PRPF6: variants seen among roughly 807,000 people sequenced by gnomAD.
PRPF6 encodes the protein pre-mRNA processing factor 6, also known as pre-mRNA-processing factor 6.
PRPF6 carries 42 observed loss-of-function variants against 118.3 expected under a neutral mutation model. The ratio of observed to expected loss-of-function variants is 0.35; its 90% CI spans 0.28 to 0.46. PRPF6 has a LOEUF of 0.46. Among genes scored for constraint, PRPF6 ranks in the 20% least tolerant of loss-of-function variants. The pLI, the probability that PRPF6 is intolerant of heterozygous loss-of-function variation, is 1.00. For synonymous variants in PRPF6, 481 were observed against 485.1 expected (o/e 0.99, Z 0.11); for missense variants, 662 against 1,255.7 (o/e 0.53, Z 7.15).
At chr20:63,984,247 C>T (rs1017963107) in intron 2 of PRPF6, among the ~76,000 whole-genome samples, 22 of 152,046 alleles carry the variant, frequency 1.4e-4, no homozygotes, top group Admixed American at 1.4e-3. Context: ...GGTGAAACCC[C>T]GTCTCTACTA....
intron 12 of PRPF6, among the ~76,000 whole-genome samples, chr20:64,021,588 A>G (rs1473034781): frequency 8.8e-5 from 12 of 135,972 alleles, no homozygotes; most frequent in Non-Finnish European, 1.7e-4. Flanking sequence ...ACATATGCAT[A>G]TGCCTCAGCC....
At chr20:63,992,646 A>G (rs1027479173) in intron 3 of PRPF6, among the ~76,000 whole-genome samples, 2 of 151,890 alleles carry the variant, frequency 1.3e-5, no homozygotes, top group Non-Finnish European at 2.9e-5. Context: ...AGGTATTTAG[A>G]TCAAAGTAAG....
At chr20:64,006,316 CTT>C (rs5842437) in intron 9 of PRPF6, among the ~76,000 whole-genome samples, 140 of 102,482 alleles carry the variant, frequency 1.4e-3, no homozygotes, top group Middle Eastern at 4.5e-3. Flanking sequence ...GTAGCTTGCT[CTT>C]TTTTTTTTTT....
At position 64,026,918 on chromosome 20, in the gene PRPF6, G is replaced by C; in HGVS notation, c.2029-64G>C. On this transcript the variant is annotated intron_variant, in intron 15 of 20. Transcript: ENST00000266079. This position sits in a 1 kb window ranked among gnomAD's most constrained non-coding sequence, Gnocchi z 4.4. Reference sequence around the variant, plus strand: ...CTGCAGGTAACAGTGTTGAGGATGAGTGTACCATGAAGCACGTACCCTGGA... The same window carrying C: ...CTGCAGGTAACAGTGTTGAGGATGACTGTACCATGAAGCACGTACCCTGGA... 4.5e-6 allele frequency: 7 copies of C among 1,565,340 alleles called. No individual in the cohort carries two copies. The highest frequency in any genetic ancestry group is 1.7e-5 in the Admixed American group (1 of 59,898).
intron 3 of PRPF6, among the ~76,000 whole-genome samples, chr20:63,987,005 C>CA (rs1392403404): frequency 2.0e-5 from 3 of 150,180 alleles, no homozygotes; most frequent in Admixed American, 6.7e-5. Context: ...CTTTTCTTTA[C>CA]AAAAAAATAC....
intron 10 of PRPF6, among the ~76,000 whole-genome samples, chr20:64,010,832 A>G (rs2059213467): frequency 6.6e-6 from 1 of 152,236 alleles, no homozygotes; most frequent in Non-Finnish European, 1.5e-5. Context: ...GAAATTCTCC[A>G]AACAACATTA....
At chr20:63,982,951 T>G in intron 1 of PRPF6, 96 bp from the exon 2 acceptor site, 1 of 1,422,718 alleles carries the variant, frequency 7.0e-7, no homozygotes, top group Non-Finnish European at 9.7e-7. Flanking sequence ...CCCAAAGGTG[T>G]TAGAAAAAGA....
Position 64,025,791 on chromosome 20 carries a change from C to T in PRPF6, c.1909-148C>T, listed in dbSNP as rs1011285209. 4.7e-5 allele frequency: 68 copies of T among 1,432,574 alleles called. No individual in the cohort carries two copies. The South Asian group carries it at 7.2e-4, about 15-fold the overall frequency. 88.7% of individuals were successfully genotyped at this position (1,432,574 alleles called of 1,614,324 possible). A position where few individuals can be genotyped will look rare whatever the true frequency, so the allele number is the denominator to read the frequency against. On this transcript the variant is annotated intron_variant, in intron 14 of 20. Transcript: ENST00000266079. ...CTTGCACTGGAGTCGGCTCTGTCAT[C>T]TCCTCCCTGGGAAGGGCTTGGACCA...
intron 1 of PRPF6, 35 bp downstream of exon 1, chr20:63,981,351 C>G (rs754399769): frequency 1.3e-6 from 2 of 1,550,308 alleles, no homozygotes; most frequent in East Asian, 4.8e-5. Flanking sequence ...GGGCGGGGAC[C>G]CGGCTACAGG....
At chr20:64,031,822 T>C in intron 19 of PRPF6, 96 bp from the exon 20 acceptor site, 4 of 1,555,882 alleles carry the variant, frequency 2.6e-6, no homozygotes, top group East Asian at 2.2e-5. Context: ...GGGCTGCGGG[T>C]CAGGGATGAA....
intron 20 of PRPF6, among the ~76,000 whole-genome samples, 171 bp downstream of exon 20, chr20:64,032,215 GTC>G (rs1462029743): frequency 2.0e-5 from 3 of 152,248 alleles, no homozygotes; most frequent in African/African-American, 7.2e-5. Flanking sequence ...CCACAAGGCA[GTC>G]TCTGCCTCCA....
intron 9 of PRPF6, among the ~76,000 whole-genome samples, chr20:64,003,152 A>G (rs1250598206): frequency 6.6e-6 from 1 of 151,650 alleles, no homozygotes; most frequent in African/African-American, 2.4e-5. Context: ...GTGTTGTCCA[A>G]GCTTGTCTCA....
intron 19 of PRPF6, among the ~76,000 whole-genome samples, chr20:64,030,905 G>A (rs1029141008): frequency 2.6e-5 from 4 of 152,190 alleles, no homozygotes; most frequent in Non-Finnish European, 5.9e-5. Context: ...TCTTGACTAC[G>A]GTGCCTCTGG....
intron 9 of PRPF6, among the ~76,000 whole-genome samples, chr20:64,004,763 G>A (rs1255352254): frequency 6.6e-6 from 1 of 152,200 alleles, no homozygotes; most frequent in Non-Finnish European, 1.5e-5. Context: ...GGTGTCCCAC[G>A]TGCAGAGTCC....
chr20:63,981,430 GAT>G, intron 1 of PRPF6, 114 bp downstream of exon 1: 1 of 1,067,218 alleles, frequency 9.4e-7, no homozygotes, highest in Non-Finnish European at 1.4e-6. Flanking sequence ...ACGCTTGGTG[GAT>G]CGGCTTAATC....
At chr20:64,013,568 C>T (rs1002482379) in intron 11 of PRPF6, among the ~76,000 whole-genome samples, 3 of 152,128 alleles carry the variant, frequency 2.0e-5, no homozygotes, top group East Asian at 3.9e-4. Flanking sequence ...CTTAACCTCC[C>T]AAGTGGCTGG....
At chr20:64,023,186 G>A (rs1389342783) in intron 13 of PRPF6, among the ~76,000 whole-genome samples, 2 of 152,248 alleles carry the variant, frequency 1.3e-5, no homozygotes, top group Admixed American at 6.5e-5. Context: ...TGGAGCCCGC[G>A]TGGCCCATGG....
chr20:63,984,362 G>A (rs1211587498), intron 2 of PRPF6, among the ~76,000 whole-genome samples: 6 of 151,894 alleles, frequency 4.0e-5, no homozygotes, highest in Admixed American at 1.3e-4. Context: ...CGGAGGTTGC[G>A]GTGAGCCAAG....
chr20:63,998,807 A>G (rs190386880), intron 6 of PRPF6, among the ~76,000 whole-genome samples: 1,740 of 150,728 alleles, frequency 0.012, 32 homozygotes, highest in African/African-American at 0.04. Flanking sequence ...GCACAACTGC[A>G]CTCCAGCCTG....
Sources: allele counts gnomAD v4.1 joint callset (sites outside exome capture counted in the v4.1 genomes callset), GRCh38; gene constraint gnomAD v4.1.1; non-coding constraint Gnocchi (gnomAD v3.1); transcripts MANE v1.5; gene names NCBI Gene and HGNC (gene_info 2026-07-23, HGNC 2026-07-21).